SMURF1: variants seen among roughly 807,000 people sequenced by gnomAD.
SMURF1 encodes the protein SMAD specific E3 ubiquitin protein ligase 1, also known as E3 ubiquitin-protein ligase SMURF1.
Under a neutral mutation model 98.0 loss-of-function variants are expected in SMURF1, and 44 were observed. The ratio of observed to expected loss-of-function variants is 0.45; its 90% CI spans 0.35 to 0.58. The LOEUF (loss-of-function observed/expected upper bound fraction) is 0.58. Among genes scored for constraint, SMURF1 ranks in the 20% least tolerant of loss-of-function variants. The pLI is 0.00. For synonymous variants in SMURF1, 396 were observed against 374.9 expected (o/e 1.06, Z -0.65); for missense variants, 687 against 938.4 (o/e 0.73, Z 3.50).
chr7:99,046,667 G>T (rs138103565), intron 10 of SMURF1, among the ~76,000 whole-genome samples: 1 of 149,574 alleles, frequency 6.7e-6, no homozygotes, highest in Non-Finnish European at 1.5e-5. Flanking sequence ...GGGAGTCAGA[G>T]GTTGCAGTGA....
intron 1 of SMURF1, among the ~76,000 whole-genome samples, chr7:99,130,447 C>A (rs1024166654): frequency 6.6e-6 from 1 of 152,140 alleles, no homozygotes; most frequent in Admixed American, 6.5e-5. Context: ...AAGTGAAACT[C>A]CGTCTCCAAA....
chr7:99,103,527 G>T (rs1180669966), intron 1 of SMURF1, among the ~76,000 whole-genome samples: 1 of 152,182 alleles, frequency 6.6e-6, no homozygotes, highest in African/African-American at 2.4e-5. Flanking sequence ...CCATGACTCA[G>T]AGTATTTTAA....
chr7:99,140,455 T>A (rs997496828), intron 1 of SMURF1, among the ~76,000 whole-genome samples: 5 of 152,108 alleles, frequency 3.3e-5, no homozygotes, highest in Non-Finnish European at 7.4e-5. Flanking sequence ...CCCAGCTAAT[T>A]TTTTGTATTT....
At chr7:99,054,614 T>C (rs1013315348) in intron 6 of SMURF1, among the ~76,000 whole-genome samples, 176 bp downstream of exon 6, 3 of 152,130 alleles carry the variant, frequency 2.0e-5, no homozygotes, top group African/African-American at 7.2e-5. Flanking sequence ...CCAACTCCAG[T>C]TGTATTTACA....
At chr7:99,067,278 G>A (rs1796217498) in intron 1 of SMURF1, among the ~76,000 whole-genome samples, 1 of 151,718 alleles carries the variant, frequency 6.6e-6, no homozygotes, top group Non-Finnish European at 1.5e-5. Context: ...TTACAGGTGT[G>A]AGCCACCATG....
intron 1 of SMURF1, among the ~76,000 whole-genome samples, chr7:99,091,131 T>G (rs146947343): frequency 2.0e-5 from 3 of 152,332 alleles, no homozygotes; most frequent in Admixed American, 6.5e-5. Flanking sequence ...CTACTCCAGA[T>G]GTACAGTAGT....
chr7:99,030,737 C>T (rs754801461), intron 17 of SMURF1, 54 bp from the exon 18 acceptor site: 138 of 1,441,844 alleles, frequency 9.6e-5, no homozygotes, highest in Non-Finnish European at 1.3e-4. Context: ...CTAGGACCAA[C>T]CTCAAGGCCA....
chr7:99,088,896 C>T (rs1796739704), intron 1 of SMURF1, among the ~76,000 whole-genome samples: 1 of 152,074 alleles, frequency 6.6e-6, no homozygotes, highest in African/African-American at 2.4e-5. Flanking sequence ...GAAACCCTAT[C>T]TCTACTAAAA....
chr7:99,136,267 C>T (rs781498741), intron 1 of SMURF1, among the ~76,000 whole-genome samples: 17 of 152,190 alleles, frequency 1.1e-4, no homozygotes, highest in Non-Finnish European at 1.9e-4. Context: ...TTTCCATTTT[C>T]TTTTCTGTGA....
chr7:99,040,259 A>G, intron 13 of SMURF1, 119 bp downstream of exon 13: 1 of 1,104,066 alleles, frequency 9.1e-7, no homozygotes, highest in Non-Finnish European at 1.2e-6. Context: ...GTTATAATAC[A>G]ATGGCTTCAC....
intron 17 of SMURF1, 100 bp from the exon 18 acceptor site, chr7:99,030,783 A>T: frequency 1.6e-5 from 11 of 702,276 alleles, no homozygotes; most frequent in Admixed American, 2.4e-5. Context: ...GGGAGGGGAG[A>T]GGAATGGGGG....
intron 8 of SMURF1, chr7:99,050,805 A>G: frequency 3.6e-6 from 3 of 828,362 alleles, no homozygotes; most frequent in African/African-American, 1.7e-5. Context: ...AAGGAACTAA[A>G]TATTACCAAA....
chr7:99,044,732 T>C (rs10275791), intron 11 of SMURF1, among the ~76,000 whole-genome samples: 9 of 152,208 alleles, frequency 5.9e-5, no homozygotes, highest in African/African-American at 2.2e-4. Context: ...TATTACTAAA[T>C]TGAACATGAG....
In SMURF1 at chr7:99,144,015, AGCCGCCGCCGCCTCCGCC is replaced by A. The variant is rs1554453237; in HGVS notation, c.-253_-236del. Reference sequence around the variant, plus strand: ...CTGCTTCCAGCCGAGCCCAGTCCCGAGCCGCCGCCGCCTCCGCCGCCGCCTCCGCCGCCTCCACCACCT... The same window carrying A: ...CTGCTTCCAGCCGAGCCCAGTCCCGAGCCGCCTCCGCCGCCTCCACCACCT... On this transcript the variant is annotated 5_prime_UTR_variant, in exon 1 of 18. Transcript: ENST00000361368. The A allele has an allele frequency of 3.3e-5, 10 of 303,148 alleles. No individual in the cohort carries two copies. The highest frequency in any genetic ancestry group is 5.9e-5 in the Non-Finnish European group (10 of 169,858). The allele number at this position is 303,148 out of a possible 1,614,324, so 18.8% of individuals were successfully genotyped here. A position where few individuals can be genotyped will look rare whatever the true frequency, so the allele number is the denominator to read the frequency against.
At chr7:99,071,201 A>C (rs1310227514) in intron 1 of SMURF1, among the ~76,000 whole-genome samples, 1 of 152,042 alleles carries the variant, frequency 6.6e-6, no homozygotes, top group Non-Finnish European at 1.5e-5. Context: ...CTGGGATTAC[A>C]GGCATGTGCC....
At position 99,038,111 on chromosome 7, in the gene SMURF1, C is replaced by A. The variant is rs1006198684; in HGVS notation, c.1688+277G>T. ...AGCTGCTGCTCTCTCCTTTGCCCCC[C>A]ACCTTTGCACCCAGAATTAGGTGGT... is the stretch of plus-strand genomic sequence containing the variant. On this transcript the variant is annotated intron_variant, in intron 14 of 17. Coordinates refer to ENST00000361368, the MANE Select transcript of SMURF1 (RefSeq NM_181349.3). Among the ~76,000 whole-genome samples the A allele has an allele frequency of 4.5e-4, 69 of 152,258 alleles. 1 individual carries two copies. Among genetic ancestry groups the A allele is most frequent in the Non-Finnish European group, 1.2e-4 (8 of 68,018 alleles).
chr7:99,035,918 G>A (rs2150498178), intron 15 of SMURF1: 1 of 598,974 alleles, frequency 1.7e-6, no homozygotes, highest in East Asian at 2.8e-5. Context: ...CTCCAAACGG[G>A]TCTCCAACCC....
intron 1 of SMURF1, among the ~76,000 whole-genome samples, chr7:99,131,051 A>G (rs976317057): frequency 6.6e-6 from 1 of 152,210 alleles, no homozygotes; most frequent in South Asian, 2.1e-4. Context: ...TTTGAGCACA[A>G]GGGGAAGAGA....
chr7:99,040,009 C>G lies in SMURF1; in HGVS notation c.1550+369G>C, dbSNP rs374199101. Among the ~76,000 whole-genome samples, 24 of 152,284 alleles carry G rather than the reference C, an allele frequency of 1.6e-4. No homozygotes were observed. In the East Asian group the frequency reaches 3.7e-3, roughly 23 times the overall value. ...ACGGGCCTGGGGAGTGGCCTGTTAACGTCTGTGATCGCGCCTTCTTCATTC... is the reference window on the plus strand; with the variant it reads ...ACGGGCCTGGGGAGTGGCCTGTTAAGGTCTGTGATCGCGCCTTCTTCATTC... On this transcript the variant is annotated intron_variant, in intron 13 of 17. Transcript: ENST00000361368.
Sources: gnomAD v4.1 joint callset for allele counts (sites outside exome capture counted in the v4.1 genomes callset) on GRCh38, gnomAD v4.1.1 for gene constraint, MANE v1.5 for transcripts, NCBI Gene and HGNC (gene_info 2026-07-23, HGNC 2026-07-21) for gene names.